ST3GAL1: variants seen among roughly 807,000 people sequenced by gnomAD.
ST3GAL1 encodes ST3 beta-galactoside alpha-2,3-sialyltransferase 1, also known as CMP-N-acetylneuraminate-beta-galactosamide-alpha-2,3-sialyltransferase 1.
ST3GAL1 carries 16 observed loss-of-function variants against 34.1 expected under a neutral mutation model. The observed-to-expected ratio is 0.47, with a 90% CI of 0.32 to 0.71. The LOEUF (loss-of-function observed/expected upper bound fraction) is 0.71. ST3GAL1 is among the 30% of genes least tolerant of loss of function. ST3GAL1 has a pLI of 0.04. For synonymous variants in ST3GAL1, 191 were observed against 184.7 expected (o/e 1.03, Z -0.28); for missense variants, 353 against 447.4 (o/e 0.79, Z 1.90).
chr8:133,473,698 C>T (rs11991154), intron 5 of ST3GAL1, among the ~76,000 whole-genome samples: 26,161 of 152,220 alleles, frequency 0.17, 2,853 homozygotes, highest in East Asian at 0.56. Context: ...CCCACACACA[C>T]GCACACCCCA....
intron 1 of ST3GAL1, among the ~76,000 whole-genome samples, chr8:133,555,553 TA>T (rs1226511195): frequency 2.7e-5 from 4 of 150,678 alleles, no homozygotes; most frequent in Non-Finnish European, 1.5e-5. Context: ...ATGGTTTTCC[TA>T]AAAAAAAAGA....
chr8:133,464,628 C>T (rs1175756950), intron 7 of ST3GAL1, 150 bp downstream of exon 7: 14 of 755,482 alleles, frequency 1.9e-5, no homozygotes, highest in East Asian at 1.4e-4. Context: ...GTCGGGGAGG[C>T]GGCCACGGGA....
At chr8:133,521,038 C>A (rs1462694747) in intron 2 of ST3GAL1, among the ~76,000 whole-genome samples, 3 of 98,050 alleles carry the variant, frequency 3.1e-5, no homozygotes, top group African/African-American at 1.3e-4. Context: ...CTGCAACCTC[C>A]GCTTCCTGGG....
intron 9 of ST3GAL1, among the ~76,000 whole-genome samples, chr8:133,460,941 T>C (rs1815475189): frequency 6.6e-6 from 1 of 152,100 alleles, no homozygotes; most frequent in Non-Finnish European, 1.5e-5. Context: ...CATGTGGCTT[T>C]CTCAGGAAAT....
intron 2 of ST3GAL1, among the ~76,000 whole-genome samples, chr8:133,527,378 G>A (rs1037203030): frequency 1.3e-5 from 2 of 152,168 alleles, no homozygotes; most frequent in Non-Finnish European, 2.9e-5. Context: ...TAAAGGGGTT[G>A]AGGTGGTGGG....
chr8:133,557,222 C>T (rs1037181637), intron 1 of ST3GAL1, among the ~76,000 whole-genome samples: 3 of 152,174 alleles, frequency 2.0e-5, no homozygotes, highest in Admixed American at 6.5e-5. Context: ...AAAGACAATA[C>T]AAGCTTGCTC....
chr8:133,535,777 C>T (rs908062042), intron 2 of ST3GAL1, among the ~76,000 whole-genome samples: 5 of 152,008 alleles, frequency 3.3e-5, no homozygotes, highest in Admixed American at 6.6e-5. Context: ...GCCAGCATGG[C>T]TTTAATTAAA....
At chr8:133,513,180 A>G (rs1299405629) in intron 2 of ST3GAL1, among the ~76,000 whole-genome samples, 3 of 152,028 alleles carry the variant, frequency 2.0e-5, no homozygotes, top group Non-Finnish European at 2.9e-5. Context: ...CTGGAGTGCT[A>G]CCCCCACCCC....
chr8:133,544,479 C>A (rs544220353), intron 2 of ST3GAL1, among the ~76,000 whole-genome samples: 1 of 152,326 alleles, frequency 6.6e-6, no homozygotes, highest in African/African-American at 2.4e-5. Context: ...ATCACATGGT[C>A]TTTTGTCTCC....
chr8:133,520,752 T>C (rs1817779987), intron 2 of ST3GAL1, among the ~76,000 whole-genome samples: 1 of 150,202 alleles, frequency 6.7e-6, no homozygotes, highest in Admixed American at 6.7e-5. Context: ...CCAAAGATGT[T>C]TATCATGTTA....
rs1815721741 is a variant in ST3GAL1 at position 133,466,038 on chromosome 8, A to G, written c.359T>C (p.Leu120Pro). 6.2e-7 allele frequency: 1 copy of G among 1,613,944 alleles called. No homozygotes were observed. Residue 120 changes from leucine to proline, a missense_variant, in exon 6 of 10, where the codon CTG (leucine) becomes CCG (proline). By Grantham distance (98) the Leu-to-Pro change is moderately conservative. Transcript: ENST00000522652. This position sits in a 1 kb window ranked among gnomAD's most constrained non-coding sequence, Gnocchi z 4.4. ...CACATTCCCAGGCACCACTCTGAACAGCTCCTTGATGGTGTCATTCAAGTT... is the reference window on the plus strand; with the variant it reads ...CACATTCCCAGGCACCACTCTGAACGGCTCCTTGATGGTGTCATTCAAGTT... ...PNNLNDTIKE[L>P]FRVVPGNVDP...
chr8:133,536,539 A>G (rs1480524331), intron 2 of ST3GAL1, among the ~76,000 whole-genome samples: 1 of 152,182 alleles, frequency 6.6e-6, no homozygotes, highest in Non-Finnish European at 1.5e-5. Flanking sequence ...GTGGTTCACC[A>G]TGGAAAGCCC....
At chr8:133,533,939 C>A (rs1818229445) in intron 2 of ST3GAL1, among the ~76,000 whole-genome samples, 1 of 152,190 alleles carries the variant, frequency 6.6e-6, no homozygotes, top group Non-Finnish European at 1.5e-5. Flanking sequence ...AAGTATGGCA[C>A]TTCCTCTTGA....
chr8:133,556,182 C>T lies in ST3GAL1; in HGVS notation c.-581-10256G>A, dbSNP rs963715766. Among the ~76,000 whole-genome samples the T allele has an allele frequency of 6.6e-6, 1 of 152,152 alleles. No homozygotes were observed. On this transcript the variant is annotated intron_variant, in intron 1 of 9. Coordinates refer to ENST00000522652, the MANE Select transcript of ST3GAL1 (RefSeq NM_173344.3). This position sits in a 1 kb window ranked among gnomAD's most constrained non-coding sequence, Gnocchi z 8.9. ...AAGTGCTAGGATTGCAGGCATGAGC[C>T]ACCATGCCCAGCTTGTTTTTTCTTT...
At chr8:133,564,831 G>T (rs1819343786) in intron 1 of ST3GAL1, among the ~76,000 whole-genome samples, 1 of 152,118 alleles carries the variant, frequency 6.6e-6, no homozygotes, top group Non-Finnish European at 1.5e-5. Context: ...ACATAGAAAA[G>T]GTCAGTAATT....
At chr8:133,481,421 T>G (rs1474103460) in intron 3 of ST3GAL1, among the ~76,000 whole-genome samples, 1 of 152,230 alleles carries the variant, frequency 6.6e-6, no homozygotes, top group African/African-American at 2.4e-5. Context: ...CCCTGTACTA[T>G]GAGATCACCG....
At position 133,459,779 on chromosome 8, in the gene ST3GAL1, G is replaced by A; in HGVS notation, c.1008C>T (p.Ile336=). 6.2e-7 allele frequency: 1 copy of A among 1,612,580 alleles called. No homozygotes were observed. Among genetic ancestry groups the A allele is most frequent in the South Asian group, 1.1e-5 (1 of 90,862 alleles). ...ATLASINKIR[I]FKGR Reference sequence around the variant, plus strand: ...CTTCACTGCGTCATCTCCCCTTGAAGATCCGGATTTTATTGATGGAGGCCA... The same window carrying A: ...CTTCACTGCGTCATCTCCCCTTGAAAATCCGGATTTTATTGATGGAGGCCA... Residue 336 remains isoleucine, a synonymous_variant, in exon 10 of 10, where the codon ATC becomes ATT. Coordinates refer to ENST00000522652, the MANE Select transcript of ST3GAL1 (RefSeq NM_173344.3). This position sits in a 1 kb window ranked among gnomAD's most constrained non-coding sequence, Gnocchi z 4.7.
At chr8:133,498,948 C>T (rs1435751106) in intron 3 of ST3GAL1, among the ~76,000 whole-genome samples, 187 bp downstream of exon 3, 1 of 152,356 alleles carries the variant, frequency 6.6e-6, no homozygotes, top group Middle Eastern at 3.4e-3. Flanking sequence ...TCTCAAATGC[C>T]ACCACCCTTC....
chr8:133,571,589 A>T lies in ST3GAL1; in HGVS notation c.-582+104T>A, dbSNP rs1418638315. Reference sequence around the variant, plus strand: ...CTTCAGTTCCCGGGTCCAGACAATCAACCTTCCACTCCGAGAATCCACAGG... The same window carrying T: ...CTTCAGTTCCCGGGTCCAGACAATCTACCTTCCACTCCGAGAATCCACAGG... On this transcript the variant is annotated intron_variant, in intron 1 of 9. Transcript: ENST00000522652. The surrounding 1 kb of genome is among the most constrained non-coding windows in gnomAD (Gnocchi z 6.7). 1 of 152,348 alleles carries T rather than the reference A, an allele frequency of 6.6e-6. No individual in the cohort carries two copies. The highest frequency in any genetic ancestry group is 1.5e-5 in the Non-Finnish European group (1 of 68,316). The allele number at this position is 152,348 out of a possible 1,614,324, so 9.4% of individuals were successfully genotyped here.
Sources: gnomAD v4.1 joint callset for allele counts (sites outside exome capture counted in the v4.1 genomes callset) on GRCh38, gnomAD v4.1.1 for gene constraint, Gnocchi (gnomAD v3.1) non-coding constraint, MANE v1.5 for transcripts, NCBI Gene and HGNC (gene_info 2026-07-23, HGNC 2026-07-21) for gene names.